Variants in NUBPL observed in about 807,000 individuals in gnomAD.
The protein encoded by NUBPL is NUBP iron-sulfur cluster assembly factor, mitochondrial.
Under a neutral mutation model 45.7 loss-of-function variants are expected in NUBPL, and 31 were observed. The observed-to-expected ratio is 0.68, with a 90% CI of 0.51 to 0.92. The LOEUF is 0.92. Among genes scored for constraint, NUBPL ranks in the 40% least tolerant of loss-of-function variants. NUBPL has a pLI of 0.00. For missense variants in NUBPL, 401 were observed against 398.7 expected, an observed-to-expected ratio of 1.01 and a Z score of -0.05; for synonymous variants, 144 against 140.9, an observed-to-expected ratio of 1.02 and a Z score of -0.15.
intron 4 of NUBPL, among the ~76,000 whole-genome samples, chr14:31,642,293 T>G (rs999118194): frequency 1.3e-5 from 2 of 152,212 alleles, no homozygotes; most frequent in African/African-American, 4.8e-5. Context: ...TAATGTTTTC[T>G]TCTAGTAGTT....
intron 4 of NUBPL, among the ~76,000 whole-genome samples, chr14:31,618,913 T>C (rs1468134592): frequency 2.0e-5 from 3 of 152,196 alleles, no homozygotes; most frequent in Admixed American, 2.0e-4. Context: ...TATTATTGTG[T>C]GGGAGTCCAA....
At chr14:31,672,934 G>A (rs953393485) in intron 4 of NUBPL, among the ~76,000 whole-genome samples, 2 of 152,132 alleles carry the variant, frequency 1.3e-5, no homozygotes, top group South Asian at 2.1e-4. Context: ...TTCCAGTTTG[G>A]TATTCTTTGA....
At chr14:31,649,097 A>G (rs1258567782) in intron 4 of NUBPL, among the ~76,000 whole-genome samples, 1 of 152,152 alleles carries the variant, frequency 6.6e-6, no homozygotes, top group Non-Finnish European at 1.5e-5. Context: ...GCATGAGCCA[A>G]TGCTCCTGGC....
At chr14:31,706,495 T>G (rs1346789331) in intron 6 of NUBPL, among the ~76,000 whole-genome samples, 1 of 152,244 alleles carries the variant, frequency 6.6e-6, no homozygotes, top group Admixed American at 6.5e-5. Context: ...AGAAGCCATG[T>G]TGCCCAACTC....
In NUBPL at chr14:31,562,219, T is replaced by C. The variant is rs765056546; in HGVS notation, c.256+4T>C. 58 of 1,611,616 alleles carry C rather than the reference T, an allele frequency of 3.6e-5. No individual in the cohort carries two copies. The highest frequency in any genetic ancestry group is 4.8e-5 in the Non-Finnish European group (57 of 1,178,336). ...GTCGGAAAATCTACTACAGCAGGTA[T>C]TATAGGATATTAATTCTATTCCTGA... is the stretch of plus-strand genomic sequence containing the variant. On this transcript the variant is annotated splice_donor_region_variant and intron_variant, in intron 2 of 10. Transcript: ENST00000281081.
chr14:31,625,307 T>C (rs907418321), intron 4 of NUBPL, among the ~76,000 whole-genome samples: 2 of 152,216 alleles, frequency 1.3e-5, no homozygotes, highest in African/African-American at 2.4e-5. Context: ...GAAACTGTTA[T>C]GTTGAAGACA....
intron 7 of NUBPL, among the ~76,000 whole-genome samples, chr14:31,791,793 G>C (rs1166715683): frequency 6.6e-6 from 1 of 152,112 alleles, no homozygotes; most frequent in Non-Finnish European, 1.5e-5. Flanking sequence ...ATACATTGTA[G>C]AACATTCAGG....
At chr14:31,726,283 G>A (rs2037923060) in intron 6 of NUBPL, among the ~76,000 whole-genome samples, 1 of 152,164 alleles carries the variant, frequency 6.6e-6, no homozygotes, top group African/African-American at 2.4e-5. Context: ...GCCTTTAGGA[G>A]ACAAAGTTCA....
chr14:31,760,144 T>TGTGTGTGA, intron 6 of NUBPL, among the ~76,000 whole-genome samples: 1 of 34,830 alleles, frequency 2.9e-5, no homozygotes, highest in Non-Finnish European at 5.4e-5. Context: ...TGTGTGTGTG[T>TGTGTGTGA]GAGAGAGAGA....
chr14:31,638,344 A>G (rs973972202), intron 4 of NUBPL, among the ~76,000 whole-genome samples: 2 of 151,504 alleles, frequency 1.3e-5, no homozygotes, highest in African/African-American at 4.8e-5. Flanking sequence ...TCCTTCACTT[A>G]TGAAGCTTAG....
chr14:31,704,125 G>A (rs1262173994), intron 6 of NUBPL, among the ~76,000 whole-genome samples: 1 of 152,138 alleles, frequency 6.6e-6, no homozygotes, highest in Non-Finnish European at 1.5e-5. Flanking sequence ...TGACAGAGGG[G>A]TGGTGTTGGT....
intron 6 of NUBPL, among the ~76,000 whole-genome samples, chr14:31,783,856 A>C (rs1440070145): frequency 1.3e-5 from 2 of 152,222 alleles, no homozygotes; most frequent in Non-Finnish European, 2.9e-5. Flanking sequence ...AATTGAAAGT[A>C]ACATGATAAA....
chr14:31,843,143 A>G (rs2040402804), intron 8 of NUBPL, among the ~76,000 whole-genome samples: 2 of 152,204 alleles, frequency 1.3e-5, no homozygotes, highest in Non-Finnish European at 2.9e-5. Context: ...TACAGCAGCC[A>G]CCAGCTGGAG....
At chr14:31,678,582 T>C (rs1209577846) in intron 6 of NUBPL, among the ~76,000 whole-genome samples, 1 of 152,208 alleles carries the variant, frequency 6.6e-6, no homozygotes, top group African/African-American at 2.4e-5. Context: ...TGTCTAGGAA[T>C]GTCGTCCATG....
intron 6 of NUBPL, among the ~76,000 whole-genome samples, chr14:31,770,395 A>C (rs1017373619): frequency 6.6e-6 from 1 of 152,064 alleles, no homozygotes; most frequent in Non-Finnish European, 1.5e-5. Context: ...TGCTGAGTCT[A>C]CTTCTGGGTG....
chr14:31,577,176 A>T (rs1244730586), intron 3 of NUBPL, among the ~76,000 whole-genome samples: 1 of 151,872 alleles, frequency 6.6e-6, no homozygotes, highest in Non-Finnish European at 1.5e-5. Flanking sequence ...CTTTCATCTC[A>T]CCCACTCTAC....
intron 4 of NUBPL, among the ~76,000 whole-genome samples, chr14:31,611,176 A>G (rs932295401): frequency 2.6e-5 from 4 of 152,230 alleles, no homozygotes; most frequent in African/African-American, 9.6e-5. Flanking sequence ...TATATTTGGA[A>G]AAACCTAAAG....
At chr14:31,575,674 A>G (rs867129595) in intron 3 of NUBPL, among the ~76,000 whole-genome samples, 1 of 152,202 alleles carries the variant, frequency 6.6e-6, no homozygotes, top group African/African-American at 2.4e-5. Context: ...TTTCTTTAAT[A>G]CATGTGTTGT....
intron 6 of NUBPL, among the ~76,000 whole-genome samples, chr14:31,722,108 T>C (rs1566523288): frequency 6.6e-6 from 1 of 152,202 alleles, no homozygotes; most frequent in Non-Finnish European, 1.5e-5. Flanking sequence ...GCCATTCTTC[T>C]GCCTCAGCCT....
Sources: allele counts gnomAD v4.1 joint callset (sites outside exome capture counted in the v4.1 genomes callset), GRCh38; gene constraint gnomAD v4.1.1; transcripts MANE v1.5; gene names NCBI Gene and HGNC (gene_info 2026-07-23, HGNC 2026-07-21).